The following DCTN6 variants were observed in gnomAD, a reference collection of about 807,000 sequenced individuals.
DCTN6 encodes the protein dynactin subunit 6.
A neutral mutation model predicts 25.8 loss-of-function variants in DCTN6; 15 were observed. The ratio of observed to expected loss-of-function variants is 0.58; its 90% CI spans 0.39 to 0.89. The LOEUF is 0.89. Among genes scored for constraint, DCTN6 ranks in the 40% least tolerant of loss-of-function variants. The pLI is 0.00. For synonymous variants in DCTN6, 64 were observed against 78.3 expected (o/e 0.82, Z 0.96); for missense variants, 198 against 237.6 (o/e 0.83, Z 1.09).
chr8:30,169,165 A>G (rs985645746), intron 2 of DCTN6, among the ~76,000 whole-genome samples: 3 of 152,188 alleles, frequency 2.0e-5, no homozygotes, highest in Admixed American at 6.5e-5. Flanking sequence ...CCTCCCTTTC[A>G]TTGCGGCAGT....
At chr8:30,158,371 A>T (rs1803553691) in intron 1 of DCTN6, among the ~76,000 whole-genome samples, 2 of 152,232 alleles carry the variant, frequency 1.3e-5, no homozygotes. Flanking sequence ...TTTAACAAAA[A>T]AAACCCACTT....
chr8:30,174,585 C>T (rs566971965), intron 2 of DCTN6, among the ~76,000 whole-genome samples: 7 of 152,180 alleles, frequency 4.6e-5, no homozygotes, highest in Middle Eastern at 3.2e-3. Flanking sequence ...ATCTCCCCGC[C>T]TTGGCCTCCA....
chr8:30,156,694 G>A (rs567391022), intron 1 of DCTN6, among the ~76,000 whole-genome samples: 17 of 152,296 alleles, frequency 1.1e-4, no homozygotes, highest in Middle Eastern at 3.4e-3. Context: ...GGGCGGGGGG[G>A]GCTGTGAGGG....
chr8:30,180,643 C>G lies in DCTN6; in HGVS notation c.474+13C>G. ...TGAGCGACCGCAGGTACTAGAACCTCTCTTTAAAAAGAGTTCTATCTGCTG... is the reference window on the plus strand; with the variant it reads ...TGAGCGACCGCAGGTACTAGAACCTGTCTTTAAAAAGAGTTCTATCTGCTG... On this transcript the variant is annotated intron_variant, in intron 6 of 6. Coordinates refer to ENST00000221114, the MANE Select transcript of DCTN6 (RefSeq NM_006571.4). The G allele has an allele frequency of 3.7e-6, 6 of 1,612,262 alleles. No individual in the cohort carries two copies. Among genetic ancestry groups the G allele is most frequent in the Non-Finnish European group, 5.1e-6 (6 of 1,179,410 alleles).
intron 3 of DCTN6, 36 bp from the exon 4 acceptor site, chr8:30,177,090 T>C (rs754530147): frequency 3.9e-6 from 6 of 1,549,398 alleles, no homozygotes; most frequent in South Asian, 2.3e-5. Context: ...TATTGTGTTA[T>C]TGACTTTTTG....
chr8:30,167,723 G>C (rs1803702568), intron 2 of DCTN6, among the ~76,000 whole-genome samples: 1 of 149,524 alleles, frequency 6.7e-6, no homozygotes, highest in Non-Finnish European at 1.5e-5. Context: ...TTTTGAGACA[G>C]AGTCTCGCTG....
At chr8:30,167,929 A>G (rs1008281477) in intron 2 of DCTN6, among the ~76,000 whole-genome samples, 1 of 152,130 alleles carries the variant, frequency 6.6e-6, no homozygotes, top group African/African-American at 2.4e-5. Context: ...TCAAACTCCT[A>G]ACCTCAAATG....
intron 1 of DCTN6, among the ~76,000 whole-genome samples, chr8:30,159,970 C>A (rs1272422866): frequency 1.3e-5 from 2 of 152,064 alleles, no homozygotes; most frequent in Non-Finnish European, 2.9e-5. Context: ...CCATGTGACC[C>A]AGGCTGGTTT....
chr8:30,176,948 G>A lies in DCTN6; in HGVS notation c.195-178G>A, dbSNP rs540747335. ...CAAGATGGTGCCACTGTACCAGCCT[G>A]GGTGATAGAGTGAGATTCCATATCA... On this transcript the variant is annotated intron_variant, in intron 3 of 6. Transcript: ENST00000221114. 10 of 505,220 alleles carry A rather than the reference G, an allele frequency of 2.0e-5. No homozygotes were observed. The South Asian group carries it at 2.0e-4, about 10-fold the overall frequency. 31.3% of individuals were successfully genotyped at this position (505,220 alleles called of 1,614,324 possible). A position where few individuals can be genotyped will look rare whatever the true frequency, so the allele number is the denominator to read the frequency against.
At position 30,164,251 on chromosome 8, in the gene DCTN6, C is replaced by T. The variant is rs189416869; in HGVS notation, c.88+76C>T. 5.7e-5 allele frequency: 64 copies of T among 1,116,580 alleles called. No individual in the cohort carries two copies. In the East Asian group the frequency reaches 1.3e-3, roughly 22 times the overall value. 69.2% of individuals were successfully genotyped at this position (1,116,580 alleles called of 1,614,324 possible). A position where few individuals can be genotyped will look rare whatever the true frequency, so the allele number is the denominator to read the frequency against. On this transcript the variant is annotated intron_variant, in intron 2 of 6. Coordinates refer to ENST00000221114, the MANE Select transcript of DCTN6 (RefSeq NM_006571.4). ...ATTTTAGTGCTTTACAATTAGATAC[C>T]GTCTTCCATGTTTATTTCACTGATG... is the stretch of plus-strand genomic sequence containing the variant.
At chr8:30,170,024 T>A (rs1308329109) in intron 2 of DCTN6, among the ~76,000 whole-genome samples, 1 of 151,908 alleles carries the variant, frequency 6.6e-6, no homozygotes, top group African/African-American at 2.4e-5. Flanking sequence ...ATACAAAAAA[T>A]TAGCTGGGCG....
chr8:30,181,989 C>T (rs954176334), intron 6 of DCTN6, among the ~76,000 whole-genome samples: 1 of 151,642 alleles, frequency 6.6e-6, no homozygotes, highest in Non-Finnish European at 1.5e-5. Context: ...TGTTTGGCTT[C>T]ATTATTATTA....
chr8:30,177,206 T>C lies in DCTN6; in HGVS notation c.275T>C (p.Val92Ala), dbSNP rs1803847699. ...MIIGTNNVFE[V>A]GCYSQAMKMG... ...ATTGGCACCAATAATGTGTTTGAAG[T>C]TGGCTGTTGTATCCTTTACAATAAT... Residue 92 changes from valine (V) to alanine (A), a missense_variant, in exon 4 of 7, where the codon GTT becomes GCT. Physicochemically the swap from Val to Ala is moderately conservative, Grantham distance 64. Coordinates refer to ENST00000221114, the MANE Select transcript of DCTN6 (RefSeq NM_006571.4). The C allele has an allele frequency of 1.9e-6, 3 of 1,613,314 alleles. No individual in the cohort carries two copies. The highest frequency in any genetic ancestry group is 1.3e-5 in the African/African-American group (1 of 75,022).
intron 1 of DCTN6, among the ~76,000 whole-genome samples, chr8:30,162,887 A>G (rs1266947837): frequency 1.3e-5 from 2 of 152,044 alleles, no homozygotes; most frequent in African/African-American, 4.8e-5. Context: ...TTGAATGTAT[A>G]TTTTTTCTTC....
chr8:30,180,549 A>G lies in DCTN6; in HGVS notation c.393A>G (p.Leu131=). 6.2e-7 allele frequency: 1 copy of G among 1,614,122 alleles called. No homozygotes were observed. The highest frequency in any genetic ancestry group is 8.5e-7 in the Non-Finnish European group (1 of 1,179,998). ...GCATCATTGGGGCTTGTTGCAACCTAAATACATTTGAAGTCATCCCTGAGA... is the reference window on the plus strand; with the variant it reads ...GCATCATTGGGGCTTGTTGCAACCTGAATACATTTGAAGTCATCCCTGAGA... ...SGCIIGACCN[L]NTFEVIPENT... The change falls in exon 6 of 7, where the codon CTA becomes CTG. Residue 131 remains leucine (L), a synonymous_variant. Coordinates refer to ENST00000221114, the MANE Select transcript of DCTN6 (RefSeq NM_006571.4).
At chr8:30,170,357 C>T (rs1803747675) in intron 2 of DCTN6, among the ~76,000 whole-genome samples, 1 of 152,106 alleles carries the variant, frequency 6.6e-6, no homozygotes, top group African/African-American at 2.4e-5. Context: ...ATTTCTCAAA[C>T]TTTTATTTCA....
chr8:30,160,538 C>T (rs1393352822), intron 1 of DCTN6, among the ~76,000 whole-genome samples: 1 of 152,130 alleles, frequency 6.6e-6, no homozygotes, highest in Non-Finnish European at 1.5e-5. Flanking sequence ...AACTTACTTC[C>T]CCTGCACAGA....
chr8:30,156,702 G>T (rs113525301), intron 1 of DCTN6, among the ~76,000 whole-genome samples: 60 of 152,304 alleles, frequency 3.9e-4, no homozygotes, highest in African/African-American at 1.3e-3. Context: ...GGGGCTGTGA[G>T]GGGAGGGTGA....
chr8:30,178,474 A>G (rs1699212467), intron 4 of DCTN6, among the ~76,000 whole-genome samples: 1 of 151,400 alleles, frequency 6.6e-6, no homozygotes, highest in Non-Finnish European at 1.5e-5. Context: ...AAAGATTAAA[A>G]AAAAAAAAAA....
Sources: gnomAD v4.1 joint callset for allele counts (sites outside exome capture counted in the v4.1 genomes callset) on GRCh38, gnomAD v4.1.1 for gene constraint, MANE v1.5 for transcripts, NCBI Gene and HGNC (gene_info 2026-07-23, HGNC 2026-07-21) for gene names.